KCND2: variants seen among roughly 807,000 people sequenced by gnomAD.
KCND2 encodes the protein potassium voltage-gated channel subfamily D member 2.
In KCND2, 16 loss-of-function variants were observed where a neutral mutation model predicts 54.4. That is an observed-to-expected ratio of 0.29 (90% CI 0.20 to 0.45). The LOEUF (loss-of-function observed/expected upper bound fraction) is 0.45, where lower values mean the gene tolerates loss of function less well. KCND2 is among the 20% of genes least tolerant of loss of function. The pLI is 1.00. For synonymous variants in KCND2, 317 were observed against 310.7 expected (o/e 1.02, Z -0.21); for missense variants, 486 against 824.2 (o/e 0.59, Z 5.02).
chr7:120,382,680 T>C (rs932186554), intron 1 of KCND2, among the ~76,000 whole-genome samples: 3 of 151,908 alleles, frequency 2.0e-5, no homozygotes, highest in African/African-American at 7.2e-5. Flanking sequence ...TAACAAAAGC[T>C]AAGGTTTAAT....
At chr7:120,652,083 CTT>C (rs375071156) in intron 1 of KCND2, among the ~76,000 whole-genome samples, 6 of 146,292 alleles carry the variant, frequency 4.1e-5, no homozygotes, top group Admixed American at 6.9e-5. Flanking sequence ...TTTTTTTTTC[CTT>C]TTTTTTTTTG....
chr7:120,378,931 T>G (rs550558094), intron 1 of KCND2, among the ~76,000 whole-genome samples: 31 of 152,016 alleles, frequency 2.0e-4, no homozygotes, highest in Admixed American at 3.3e-4. Context: ...TGCTGGAAAT[T>G]TATATGCATG....
intron 1 of KCND2, among the ~76,000 whole-genome samples, chr7:120,548,116 C>A (rs1246158157): frequency 6.6e-6 from 1 of 152,014 alleles, no homozygotes; most frequent in African/African-American, 2.4e-5. Context: ...ACTAAATGCT[C>A]CAGAGAATTG....
At chr7:120,608,365 A>G (rs1202549362) in intron 1 of KCND2, among the ~76,000 whole-genome samples, 1 of 152,144 alleles carries the variant, frequency 6.6e-6, no homozygotes. Context: ...AGGAAATAGG[A>G]ATATAGACAA....
intron 1 of KCND2, among the ~76,000 whole-genome samples, chr7:120,291,783 C>T (rs944158049): frequency 6.6e-6 from 1 of 151,804 alleles, no homozygotes; most frequent in East Asian, 1.9e-4. Context: ...TTGTGAGGTC[C>T]TGTTTAAGGC....
At chr7:120,302,930 A>C (rs1280497730) in intron 1 of KCND2, among the ~76,000 whole-genome samples, 1 of 152,206 alleles carries the variant, frequency 6.6e-6, no homozygotes, top group Non-Finnish European at 1.5e-5. Flanking sequence ...TATAAATGTG[A>C]AATGATCTCT....
chr7:120,618,438 T>A (rs1162367711), intron 1 of KCND2, among the ~76,000 whole-genome samples: 1 of 152,224 alleles, frequency 6.6e-6, no homozygotes, highest in East Asian at 1.9e-4. Context: ...AAAAGAATAG[T>A]TTCACACTGA....
At chr7:120,435,892 G>A (rs1801859314) in intron 1 of KCND2, among the ~76,000 whole-genome samples, 1 of 152,134 alleles carries the variant, frequency 6.6e-6, no homozygotes, top group African/African-American at 2.4e-5. Flanking sequence ...AAGCCACTAT[G>A]CAGTATATTA....
chr7:120,393,280 G>T (rs767825573), intron 1 of KCND2, among the ~76,000 whole-genome samples: 1 of 151,908 alleles, frequency 6.6e-6, no homozygotes, highest in Admixed American at 6.6e-5. Flanking sequence ...GAAATAAATC[G>T]TACCAATATG....
intron 1 of KCND2, among the ~76,000 whole-genome samples, chr7:120,458,803 CT>C (rs1240773157): frequency 6.6e-6 from 1 of 151,408 alleles, no homozygotes; most frequent in East Asian, 1.9e-4. Context: ...CCAGGAAATC[CT>C]CTTGACTCTT....
At chr7:120,339,544 C>T (rs972071917) in intron 1 of KCND2, among the ~76,000 whole-genome samples, 38 of 146,556 alleles carry the variant, frequency 2.6e-4, no homozygotes, top group Non-Finnish European at 4.9e-4. Flanking sequence ...TGTGTGTCTG[C>T]GTGTGTGTCC....
intron 1 of KCND2, among the ~76,000 whole-genome samples, chr7:120,587,287 G>A (rs1169883975): frequency 1.3e-5 from 2 of 152,148 alleles, no homozygotes; most frequent in Admixed American, 6.5e-5. Context: ...CAGCAGAGAA[G>A]TATATTGAGC....
At chr7:120,280,380 G>A (rs190651986) in intron 1 of KCND2, among the ~76,000 whole-genome samples, 17 of 152,028 alleles carry the variant, frequency 1.1e-4, no homozygotes, top group Admixed American at 5.9e-4. Flanking sequence ...CATTTACTTG[G>A]TTGCCAGACA....
intron 1 of KCND2, among the ~76,000 whole-genome samples, chr7:120,451,821 C>T (rs952193861): frequency 6.6e-6 from 1 of 152,168 alleles, no homozygotes; most frequent in Non-Finnish European, 1.5e-5. Context: ...GTGCTATGCT[C>T]CAGTGTCACT....
At chr7:120,376,357 A>G (rs146975579) in intron 1 of KCND2, among the ~76,000 whole-genome samples, 1 of 151,544 alleles carries the variant, frequency 6.6e-6, no homozygotes, top group Non-Finnish European at 1.5e-5. Context: ...TTAAAGAACT[A>G]ATTTTGGATT....
At chr7:120,317,011 A>T (rs1379599254) in intron 1 of KCND2, among the ~76,000 whole-genome samples, 1 of 151,896 alleles carries the variant, frequency 6.6e-6, no homozygotes, top group Non-Finnish European at 1.5e-5. Context: ...GATTTTTTGT[A>T]TTTTTAGTAG....
intron 1 of KCND2, among the ~76,000 whole-genome samples, chr7:120,401,751 T>G (rs1213200054): frequency 6.6e-6 from 1 of 152,198 alleles, no homozygotes; most frequent in Admixed American, 6.6e-5. Context: ...GTTGTAGATT[T>G]GCTTTGTTAT....
rs1791790942 is a variant in KCND2, at chr7:120,655,476, T to G, written c.1116-77427T>G. Among the ~76,000 whole-genome samples the G allele has an allele frequency of 2.0e-5, 3 of 152,100 alleles. No homozygotes were observed. In the South Asian group the frequency reaches 6.2e-4, roughly 31 times the overall value. ...TCCTTTCATCACAGAAGAGAAACAA[T>G]GCTGATATAGGCAAATCTTAAAGAA... On this transcript the variant is annotated intron_variant, in intron 1 of 5. Transcript: ENST00000331113.
At chr7:120,570,717 G>A (rs1030901707) in intron 1 of KCND2, among the ~76,000 whole-genome samples, 2 of 151,942 alleles carry the variant, frequency 1.3e-5, no homozygotes, top group African/African-American at 2.4e-5. Flanking sequence ...CCATTATTTA[G>A]TATAGTTTTA....
Sources: gnomAD v4.1 joint callset for allele counts (sites outside exome capture counted in the v4.1 genomes callset) on GRCh38, gnomAD v4.1.1 for gene constraint, MANE v1.5 for transcripts, NCBI Gene and HGNC (gene_info 2026-07-23, HGNC 2026-07-21) for gene names.